PALS1: variants seen among roughly 807,000 people sequenced by gnomAD.
The protein encoded by PALS1 is protein PALS1.
PALS1 carries 31 observed loss-of-function variants against 78.9 expected under a neutral mutation model. The observed-to-expected ratio is 0.39, with a 90% CI of 0.30 to 0.53. The LOEUF is 0.53. Ranked by LOEUF, PALS1 falls within the 20% of genes least tolerant of loss-of-function variation. The pLI is 0.67. For missense variants in PALS1, 704 were observed against 826.5 expected, an observed-to-expected ratio of 0.85 and a Z score of 1.82; for synonymous variants, 276 against 270.9, an observed-to-expected ratio of 1.02 and a Z score of -0.18.
At chr14:67,268,190 G>A (rs1233747217) in intron 1 of PALS1, among the ~76,000 whole-genome samples, 1 of 152,152 alleles carries the variant, frequency 6.6e-6, no homozygotes, top group Non-Finnish European at 1.5e-5. Context: ...TTATATAGAG[G>A]TTCCCCTTCC....
At chr14:67,327,955 G>A (rs1249520135) in intron 14 of PALS1, among the ~76,000 whole-genome samples, 1 of 152,176 alleles carries the variant, frequency 6.6e-6, no homozygotes, top group Non-Finnish European at 1.5e-5. Context: ...GTGTGCATGT[G>A]TCTTTATAGC....
intron 6 of PALS1, 59 bp downstream of exon 6, chr14:67,302,177 A>T: frequency 1.3e-6 from 2 of 1,499,240 alleles, no homozygotes; most frequent in Admixed American, 4.6e-5. Flanking sequence ...GTGTGCTTCA[A>T]AAGTCTGGTT....
intron 3 of PALS1, among the ~76,000 whole-genome samples, chr14:67,290,928 T>C (rs2084762078): frequency 6.6e-6 from 1 of 152,200 alleles, no homozygotes; most frequent in Middle Eastern, 3.2e-3. Flanking sequence ...AAATAAATTC[T>C]AGATGAATTA....
At chr14:67,326,819 G>C (rs187590358) in intron 14 of PALS1, among the ~76,000 whole-genome samples, 198 of 152,300 alleles carry the variant, frequency 1.3e-3, no homozygotes, top group Non-Finnish European at 2.1e-3. Flanking sequence ...TTAATGCTGA[G>C]TAATATACTA....
chr14:67,325,813 C>CTT (rs34458766), intron 14 of PALS1, among the ~76,000 whole-genome samples: 19 of 142,982 alleles, frequency 1.3e-4, no homozygotes, highest in South Asian at 4.5e-4. Flanking sequence ...TGTTAAGCAT[C>CTT]TTTTTTTTTT....
intron 3 of PALS1, among the ~76,000 whole-genome samples, chr14:67,283,189 G>A (rs560212289): frequency 9.9e-5 from 15 of 152,160 alleles, no homozygotes; most frequent in African/African-American, 2.2e-4. Flanking sequence ...GAAGAAAACC[G>A]GGATGAATAA....
chr14:67,292,453 G>C, intron 3 of PALS1, 58 bp from the exon 4 acceptor site: 1 of 1,153,462 alleles, frequency 8.7e-7, no homozygotes, highest in Admixed American at 2.0e-5. Flanking sequence ...CTCTGAAAAT[G>C]CATGTTGAAT....
intron 1 of PALS1, among the ~76,000 whole-genome samples, chr14:67,268,397 T>C (rs1423177718): frequency 6.6e-6 from 1 of 152,160 alleles, no homozygotes; most frequent in African/African-American, 2.4e-5. Context: ...GAGAAAGAAT[T>C]TGGGGCAAGT....
At chr14:67,287,724 AG>A (rs2084712060) in intron 3 of PALS1, among the ~76,000 whole-genome samples, 1 of 152,260 alleles carries the variant, frequency 6.6e-6, no homozygotes, top group African/African-American at 2.4e-5. Context: ...ATTGGAAAAT[AG>A]GTTGCAAAAC....
chr14:67,246,339 G>C (rs1357519685), intron 1 of PALS1, among the ~76,000 whole-genome samples: 1 of 150,940 alleles, frequency 6.6e-6, no homozygotes, highest in East Asian at 2.0e-4. Context: ...ATGTTGCCCA[G>C]ACTGTATTAT....
chr14:67,285,492 G>A (rs866658526), intron 3 of PALS1, among the ~76,000 whole-genome samples: 15 of 151,072 alleles, frequency 9.9e-5, no homozygotes, highest in South Asian at 6.3e-4. Context: ...TCAGCCTCCC[G>A]AGTAGCTGAG....
intron 14 of PALS1, among the ~76,000 whole-genome samples, chr14:67,327,140 A>G (rs1417573755): frequency 2.0e-5 from 3 of 152,058 alleles, no homozygotes; most frequent in Admixed American, 6.6e-5. Context: ...GCGCCACTGC[A>G]CTCCTGCCTG....
At position 67,292,708 on chromosome 14, in the gene PALS1, C is replaced by G; in HGVS notation, c.565C>G (p.Leu189Val). ...PFPLISNAQD[L>V]AQEVQTVLKP... ...TCCTCTTATCTCCAACGCACAAGAT[C>G]TTGCTCAAGAGGTATGTATTCTAAA... is the stretch of plus-strand genomic sequence containing the variant. The change falls in exon 4 of 15, where the codon CTT becomes GTT. Residue 189 changes from leucine (L) to valine (V), a missense_variant. Leu to Val is a conservative substitution (Grantham distance 32). Coordinates refer to ENST00000261681, the MANE Select transcript of PALS1 (RefSeq NM_022474.4). 6.2e-7 allele frequency: 1 copy of G among 1,613,196 alleles called. No individual in the cohort carries two copies. The highest frequency in any genetic ancestry group is 8.5e-7 in the Non-Finnish European group (1 of 1,179,394).
intron 3 of PALS1, among the ~76,000 whole-genome samples, chr14:67,280,339 T>C (rs2084584447): frequency 6.6e-6 from 1 of 152,242 alleles, no homozygotes; most frequent in African/African-American, 2.4e-5. Context: ...ATTTTATTTT[T>C]TGGTGGTTTG....
chr14:67,285,334 G>T (rs2084668779), intron 3 of PALS1, among the ~76,000 whole-genome samples: 1 of 151,654 alleles, frequency 6.6e-6, no homozygotes, highest in Non-Finnish European at 1.5e-5. Context: ...AAAAATAAAT[G>T]ATGCCAATCC....
chr14:67,278,402 CA>C (rs138212942), intron 2 of PALS1, among the ~76,000 whole-genome samples: 8,845 of 151,160 alleles, frequency 0.059, 551 homozygotes, highest in African/African-American at 0.15. Context: ...ATCCTTGTCT[CA>C]ATGTAGTTTT....
intron 9 of PALS1, among the ~76,000 whole-genome samples, chr14:67,316,229 A>G (rs2085173604): frequency 6.6e-6 from 1 of 152,172 alleles, no homozygotes; most frequent in Admixed American, 6.5e-5. Flanking sequence ...AAGGTCAGGA[A>G]CCTTGAAAGC....
chr14:67,268,083 TTC>T (rs2084356547), intron 1 of PALS1, among the ~76,000 whole-genome samples: 1 of 152,220 alleles, frequency 6.6e-6, no homozygotes, highest in African/African-American at 2.4e-5. Context: ...ACATGTTTAT[TTC>T]TTTCTCTTGT....
intron 3 of PALS1, among the ~76,000 whole-genome samples, chr14:67,291,373 G>T (rs971185220): frequency 6.6e-6 from 1 of 151,856 alleles, no homozygotes; most frequent in Admixed American, 6.6e-5. Flanking sequence ...GATTACAGGC[G>T]CCTGCCACTG....
Sources: gnomAD v4.1 joint callset for allele counts (sites outside exome capture counted in the v4.1 genomes callset) on GRCh38, gnomAD v4.1.1 for gene constraint, MANE v1.5 for transcripts, NCBI Gene and HGNC (gene_info 2026-07-23, HGNC 2026-07-21) for gene names.